GNAL: variants seen among roughly 807,000 people sequenced by gnomAD.
The protein encoded by GNAL is guanine nucleotide-binding protein G(olf) subunit alpha.
GNAL carries 18 observed loss-of-function variants against 55.1 expected under a neutral mutation model. That is an observed-to-expected ratio of 0.33 (90% CI 0.23 to 0.48). GNAL has a LOEUF of 0.48. GNAL is among the 20% of genes least tolerant of loss of function. The pLI, the probability that GNAL is intolerant of heterozygous loss-of-function variation, is 0.99. For missense variants in GNAL, 412 were observed against 614.1 expected, an observed-to-expected ratio of 0.67 and a Z score of 3.48; for synonymous variants, 253 against 237.0, an observed-to-expected ratio of 1.07 and a Z score of -0.62.
At chr18:11,760,863 G>GAA (rs2033217949) in intron 4 of GNAL, among the ~76,000 whole-genome samples, 2 of 152,206 alleles carry the variant, frequency 1.3e-5, no homozygotes, top group African/African-American at 4.8e-5. Flanking sequence ...ATGTGACCTT[G>GAA]AGCACATGAC....
intron 5 of GNAL, among the ~76,000 whole-genome samples, chr18:11,838,432 CAG>C (rs1002335774): frequency 7.2e-5 from 11 of 152,168 alleles, no homozygotes; most frequent in Non-Finnish European, 1.5e-5. Context: ...TTAATGTGTA[CAG>C]AGTTTCCTCT....
Position 11,884,935 on chromosome 18 carries a change from T to C in GNAL, c.*3800T>C. Reference sequence around the variant, plus strand: ...CCCATCAAATATAGTGGGGGATCCATAACAGAGATTCAGAGAGGCACCGTG... The same window carrying C: ...CCCATCAAATATAGTGGGGGATCCACAACAGAGATTCAGAGAGGCACCGTG... On this transcript the variant is annotated 3_prime_UTR_variant, in exon 12 of 12. Transcript: ENST00000334049. 7.7e-7 allele frequency: 1 copy of C among 1,292,368 alleles called. No homozygotes were observed. Among genetic ancestry groups the C allele is most frequent in the African/African-American group, 1.5e-5 (1 of 66,244 alleles). 80.1% of individuals were successfully genotyped at this position (1,292,368 alleles called of 1,614,324 possible).
At chr18:11,709,324 T>C (rs1027334523) in intron 1 of GNAL, among the ~76,000 whole-genome samples, 1 of 97,406 alleles carries the variant, frequency 1.0e-5, no homozygotes, top group African/African-American at 4.6e-5. Flanking sequence ...GTTTTCTCTA[T>C]TTTTGTAAAA....
At chr18:11,851,957 T>TG (rs1308765450) in intron 5 of GNAL, 1 of 1,613,746 alleles carries the variant, frequency 6.2e-7, no homozygotes, top group African/African-American at 1.3e-5. Flanking sequence ...CAGAACCAAG[T>TG]GGATATGCTG....
chr18:11,690,070 G>A (rs867564288), intron 1 of GNAL, 131 bp downstream of exon 1: 1 of 440,998 alleles, frequency 2.3e-6, no homozygotes, highest in Non-Finnish European at 3.5e-6. Flanking sequence ...TCCCGGGACT[G>A]GACCCGGACG....
chr18:11,759,302 T>C (rs2033162336), intron 4 of GNAL, among the ~76,000 whole-genome samples: 1 of 152,264 alleles, frequency 6.6e-6, no homozygotes, highest in South Asian at 2.1e-4. Flanking sequence ...TGTTTCATTT[T>C]TATTCTTAAA....
intron 5 of GNAL, among the ~76,000 whole-genome samples, chr18:11,842,006 G>A (rs1451057100): frequency 6.6e-6 from 1 of 150,688 alleles, no homozygotes; most frequent in African/African-American, 2.4e-5. Context: ...GAGTTTCGCT[G>A]TTGTTGCCCA....
chr18:11,881,218 C>G lies in GNAL; in HGVS notation c.*83C>G, dbSNP rs941793269. On this transcript the variant is annotated 3_prime_UTR_variant, in exon 12 of 12. Coordinates refer to ENST00000334049, the MANE Select transcript of GNAL (RefSeq NM_182978.4). This position sits in a 1 kb window ranked among gnomAD's most constrained non-coding sequence, Gnocchi z 4.8. ...CATGCCATGGTAGGAGGCAGAGTCT[C>G]TAGTTCCATCTCGCTGCCGTCTGTC... 1.0e-4 allele frequency: 134 copies of G among 1,330,296 alleles called. No individual in the cohort carries two copies. The highest frequency in any genetic ancestry group is 1.2e-4 in the Non-Finnish European group (121 of 969,652). 82.4% of individuals were successfully genotyped at this position (1,330,296 alleles called of 1,614,324 possible).
intron 7 of GNAL, among the ~76,000 whole-genome samples, chr18:11,865,295 G>A (rs1045420147): frequency 2.0e-5 from 3 of 149,386 alleles, no homozygotes; most frequent in Admixed American, 6.6e-5. Context: ...GACCAGCCCC[G>A]TCCCCAGGCC....
intron 5 of GNAL, among the ~76,000 whole-genome samples, chr18:11,846,661 C>T (rs929399790): frequency 1.3e-5 from 2 of 151,656 alleles, no homozygotes; most frequent in African/African-American, 2.4e-5. Context: ...TTGTAGAGAC[C>T]GGGTCTTGCC....
chr18:11,701,643 C>G (rs1358993370), intron 1 of GNAL, among the ~76,000 whole-genome samples: 3 of 151,748 alleles, frequency 2.0e-5, no homozygotes, highest in African/African-American at 7.3e-5. Context: ...GAAATCTGCT[C>G]CAAGTTTGCA....
intron 1 of GNAL, among the ~76,000 whole-genome samples, chr18:11,735,892 C>T (rs1598419557): frequency 6.6e-6 from 1 of 152,126 alleles, no homozygotes; most frequent in African/African-American, 2.4e-5. Flanking sequence ...GAGAGCAACA[C>T]TGGAAACCTC....
chr18:11,689,994 CGGG>C (rs2031187212), intron 1 of GNAL, 55 bp downstream of exon 1: 1 of 1,036,994 alleles, frequency 9.6e-7, no homozygotes. Flanking sequence ...GCCGGGCCCG[CGGG>C]GGCGGCGGGC....
intron 4 of GNAL, among the ~76,000 whole-genome samples, chr18:11,776,582 C>T (rs1273950342): frequency 1.3e-5 from 2 of 151,886 alleles, no homozygotes; most frequent in African/African-American, 4.8e-5. Context: ...CTGGTGCACA[C>T]CTGGAGTCCC....
rs571523001 is a variant in GNAL at position 11,864,726 on chromosome 18, C to A, written c.851+120C>A. Reference sequence around the variant, plus strand: ...GCATGGCAGCCCTTTCAGGTAAGAGCAGCTGGGGTGAAATTTGAACTCTAG... The same window carrying A: ...GCATGGCAGCCCTTTCAGGTAAGAGAAGCTGGGGTGAAATTTGAACTCTAG... On this transcript the variant is annotated intron_variant, in intron 7 of 11. Transcript: ENST00000334049. 6.2e-4 allele frequency: 427 copies of A among 689,190 alleles called. 1 individual carries two copies. The African/African-American group carries it at 6.7e-3, about 11-fold the overall frequency. 42.7% of individuals were successfully genotyped at this position (689,190 alleles called of 1,614,324 possible). A position where few individuals can be genotyped will look rare whatever the true frequency, so the allele number is the denominator to read the frequency against.
chr18:11,711,794 T>A (rs1232544887), intron 1 of GNAL, among the ~76,000 whole-genome samples: 1 of 152,216 alleles, frequency 6.6e-6, no homozygotes, highest in Non-Finnish European at 1.5e-5. Context: ...ATGTTCCTTA[T>A]AGCTTTATGT....
chr18:11,800,081 GTT>G (rs1425544655), intron 4 of GNAL, among the ~76,000 whole-genome samples: 7 of 152,110 alleles, frequency 4.6e-5, no homozygotes, highest in Admixed American at 4.6e-4. Context: ...GGCACGTGCT[GTT>G]TTTTCCCATT....
At chr18:11,870,350 G>A (rs921709078) in intron 9 of GNAL, among the ~76,000 whole-genome samples, 5 of 151,956 alleles carry the variant, frequency 3.3e-5, no homozygotes, top group South Asian at 2.1e-4. Context: ...GCGAAACCCC[G>A]TCTCTACTAA....
At chr18:11,813,441 A>G (rs1374755853) in intron 4 of GNAL, among the ~76,000 whole-genome samples, 1 of 152,222 alleles carries the variant, frequency 6.6e-6, no homozygotes, top group Admixed American at 6.5e-5. Flanking sequence ...AATTTATGCA[A>G]AAATTCAAAA....
Sources: allele counts gnomAD v4.1 joint callset (sites outside exome capture counted in the v4.1 genomes callset), GRCh38; gene constraint gnomAD v4.1.1; non-coding constraint Gnocchi (gnomAD v3.1); transcripts MANE v1.5; gene names NCBI Gene and HGNC (gene_info 2026-07-23, HGNC 2026-07-21).